Variants in CNST observed in about 807,000 individuals in gnomAD.
CNST encodes the protein consortin.
Under a neutral mutation model 72.4 loss-of-function variants are expected in CNST, and 39 were observed. The ratio of observed to expected loss-of-function variants is 0.54; its 90% confidence interval spans 0.42 to 0.70. The LOEUF (loss-of-function observed/expected upper bound fraction) is 0.70. Ranked by LOEUF, CNST falls within the 30% of genes least tolerant of loss-of-function variation. The probability of loss-of-function intolerance (pLI) is 0.00; values close to 1 mark genes in which losing one functional copy is unlikely to be tolerated. For synonymous variants in CNST, 332 were observed against 320.1 expected (o/e 1.04, Z -0.40); for missense variants, 871 against 868.5 (o/e 1.00, Z -0.04).
intron 8 of CNST, among the ~76,000 whole-genome samples, chr1:246,644,979 C>A (rs1033921485): frequency 6.6e-6 from 1 of 152,182 alleles, no homozygotes; most frequent in Admixed American, 6.5e-5. Flanking sequence ...TGTTTTCTTG[C>A]AGCCTTACAA....
chr1:246,634,700 G>T (rs1665036162), intron 6 of CNST, 113 bp downstream of exon 6: 1 of 657,746 alleles, frequency 1.5e-6, no homozygotes, highest in East Asian at 2.8e-5. Context: ...AATTAAGATG[G>T]ATATAATATA....
At chr1:246,637,476 G>A (rs1665366116) in intron 6 of CNST, among the ~76,000 whole-genome samples, 1 of 152,224 alleles carries the variant, frequency 6.6e-6, no homozygotes, top group Non-Finnish European at 1.5e-5. Flanking sequence ...GTCTGGTGAT[G>A]GCGGAGGCCC....
chr1:246,606,718 G>T (rs578017545), intron 2 of CNST: 2 of 151,720 alleles, frequency 1.3e-5, no homozygotes, highest in Non-Finnish European at 2.9e-5. Flanking sequence ...GTCCTCTCAC[G>T]GTCTTTGGCT....
At position 246,647,218 on chromosome 1, in the gene CNST, T is replaced by C; in HGVS notation, c.1017T>C (p.Cys339=). The change falls in exon 9 of 11, where the codon TGT becomes TGC. Residue 339 remains cysteine (C), a synonymous_variant. Coordinates refer to ENST00000366513, the MANE Select transcript of CNST (RefSeq NM_152609.3). ...TVEPLGSSPC[C]HQMDVQTDSP... ...AGCCCCTGGGGAGCAGTCCCTGCTG[T>C]CATCAGATGGACGTGCAAACAGATT... is the stretch of plus-strand genomic sequence containing the variant. 2 of 1,614,162 alleles carry C rather than the reference T, an allele frequency of 1.2e-6. No homozygotes were observed. Among genetic ancestry groups the C allele is most frequent in the Non-Finnish European group, 1.7e-6 (2 of 1,180,024 alleles).
intron 2 of CNST, among the ~76,000 whole-genome samples, chr1:246,615,630 G>A (rs1468597921): frequency 6.6e-6 from 1 of 151,132 alleles, no homozygotes; most frequent in African/African-American, 2.4e-5. Context: ...TGTAATCCCA[G>A]CACTTTGGGA....
At chr1:246,634,641 A>T in intron 6 of CNST, 54 bp downstream of exon 6, 1 of 890,088 alleles carries the variant, frequency 1.1e-6, no homozygotes, top group Admixed American at 2.3e-5. Flanking sequence ...TTGAAGAAGC[A>T]TTATAGCATT....
intron 2 of CNST, 78 bp from the exon 3 acceptor site, chr1:246,621,344 GCATCAAA>G: frequency 9.4e-7 from 1 of 1,059,874 alleles, no homozygotes; most frequent in East Asian, 2.4e-5. Flanking sequence ...GCAAGCCAGG[GCATCAAA>G]CTATATGTAA....
intron 9 of CNST, among the ~76,000 whole-genome samples, chr1:246,656,463 T>G (rs1158007617): frequency 6.6e-6 from 1 of 152,196 alleles, no homozygotes; most frequent in Non-Finnish European, 1.5e-5. Flanking sequence ...CCGTAACAAT[T>G]ACATTAATTA....
At chr1:246,651,894 C>T (rs568228793) in intron 9 of CNST, among the ~76,000 whole-genome samples, 3 of 152,152 alleles carry the variant, frequency 2.0e-5, no homozygotes, top group East Asian at 1.9e-4. Context: ...AAGATTTACT[C>T]GTTTATTCTC....
chr1:246,603,903 A>T lies in CNST; in HGVS notation c.379+11962A>T, dbSNP rs187005842. Among the ~76,000 whole-genome samples the T allele has an allele frequency of 2.3e-4, 35 of 152,296 alleles. No individual in the cohort carries two copies. The East Asian group carries it at 6.0e-3, about 26-fold the overall frequency. ...AAGTAAAGCCACTGAATTATGTGTT[A>T]TGAGAATTATATCTCAGTAAAGCCG... is the stretch of plus-strand genomic sequence containing the variant. On this transcript the variant is annotated intron_variant, in intron 2 of 10. Coordinates refer to ENST00000366513, the MANE Select transcript of CNST (RefSeq NM_152609.3).
At chr1:246,635,545 T>C (rs1162957446) in intron 6 of CNST, among the ~76,000 whole-genome samples, 1 of 152,216 alleles carries the variant, frequency 6.6e-6, no homozygotes, top group South Asian at 2.1e-4. Flanking sequence ...TTATCGTCTA[T>C]GTTAAGACAG....
intron 10 of CNST, among the ~76,000 whole-genome samples, chr1:246,661,302 G>A (rs1667093143): frequency 6.6e-6 from 1 of 152,004 alleles, no homozygotes. Flanking sequence ...ATTTTTAGTA[G>A]AGATGAGGTT....
intron 10 of CNST, among the ~76,000 whole-genome samples, chr1:246,664,118 A>G (rs751495743): frequency 6.6e-6 from 1 of 152,252 alleles, no homozygotes; most frequent in Non-Finnish European, 1.5e-5. Flanking sequence ...GACATCCTTC[A>G]ATGAAAGAAC....
intron 9 of CNST, among the ~76,000 whole-genome samples, chr1:246,658,826 G>A (rs1042531832): frequency 4.6e-5 from 7 of 152,186 alleles, no homozygotes; most frequent in African/African-American, 9.6e-5. Context: ...GTAGCAATCA[G>A]GCAACTAACA....
chr1:246,644,043 C>T (rs1488280888), intron 8 of CNST, among the ~76,000 whole-genome samples: 1 of 152,178 alleles, frequency 6.6e-6, no homozygotes, highest in Non-Finnish European at 1.5e-5. Context: ...ATCACCCCAT[C>T]TCCTACTCAT....
At position 246,574,701 on chromosome 1, in the gene CNST, G is replaced by A. The variant is rs1660285056; in HGVS notation, c.-52+8038G>A. ...CTTGGCCTCCCAAAGCACAATACGTGTATTTTTCAGAGGGAATTCTCAACT... is the reference window on the plus strand; with the variant it reads ...CTTGGCCTCCCAAAGCACAATACGTATATTTTTCAGAGGGAATTCTCAACT... On this transcript the variant is annotated intron_variant, in intron 1 of 10. Transcript: ENST00000366513. 2.0e-5 allele frequency among the ~76,000 whole-genome samples: 3 copies of A among 152,072 alleles called. No individual in the cohort carries two copies. The South Asian group carries it at 6.2e-4, about 32-fold the overall frequency.
chr1:246,615,577 A>C (rs1663631638), intron 2 of CNST, among the ~76,000 whole-genome samples: 1 of 150,100 alleles, frequency 6.7e-6, no homozygotes, highest in Non-Finnish European at 1.5e-5. Context: ...CCTGGGTAAC[A>C]TAATGAAACC....
intron 1 of CNST, among the ~76,000 whole-genome samples, chr1:246,585,450 CA>C (rs1450260031): frequency 6.6e-6 from 1 of 151,808 alleles, no homozygotes; most frequent in Non-Finnish European, 1.5e-5. Flanking sequence ...AGTTCGAGAT[CA>C]GCCTGTCCAA....
intron 2 of CNST, among the ~76,000 whole-genome samples, chr1:246,608,511 A>G (rs1379917694): frequency 2.6e-5 from 4 of 152,256 alleles, no homozygotes; most frequent in African/African-American, 4.8e-5. Context: ...GACATGTTCT[A>G]CATAATTTAG....
Sources: allele counts gnomAD v4.1 joint callset (sites outside exome capture counted in the v4.1 genomes callset), GRCh38; gene constraint gnomAD v4.1.1; transcripts MANE v1.5; gene names NCBI Gene and HGNC (gene_info 2026-07-23, HGNC 2026-07-21).